PRDM16: variants seen among roughly 807,000 people sequenced by gnomAD.
PRDM16 encodes the protein PR/SET domain 16, also known as histone-lysine N-methyltransferase PRDM16.
Under a neutral mutation model 110.6 loss-of-function variants are expected in PRDM16, and 23 were observed. The ratio of observed to expected loss-of-function variants is 0.21; its 90% CI spans 0.15 to 0.29. The LOEUF is 0.29. PRDM16 is among the 10% of genes least tolerant of loss of function. The probability of loss-of-function intolerance (pLI) is 1.00; values close to 1 mark genes in which losing one functional copy is unlikely to be tolerated. For synonymous variants in PRDM16, 799 were observed against 781.8 expected, an observed-to-expected ratio of 1.02 and a Z score of -0.37; for missense variants, 1,615 against 1,794.3, an observed-to-expected ratio of 0.90 and a Z score of 1.81.
intron 1 of PRDM16, among the ~76,000 whole-genome samples, chr1:3,085,417 C>T (rs1173619410): frequency 6.6e-6 from 1 of 152,238 alleles, no homozygotes; most frequent in Non-Finnish European, 1.5e-5. Flanking sequence ...TGGGACCTGA[C>T]CCTGGGCAGC....
At chr1:3,109,764 G>A (rs561291840) in intron 1 of PRDM16, among the ~76,000 whole-genome samples, 13 of 152,356 alleles carry the variant, frequency 8.5e-5, no homozygotes, top group African/African-American at 2.4e-4. Flanking sequence ...GGGTCTCAAA[G>A]CCAAATTTCC....
At chr1:3,334,771 GCCGGGAACAGAGCAAACGAACACTCA>G (rs1337668217) in intron 3 of PRDM16, among the ~76,000 whole-genome samples, 2 of 152,164 alleles carry the variant, frequency 1.3e-5, no homozygotes, top group Non-Finnish European at 2.9e-5. Flanking sequence ...CCAAGTGCTC[GCCGGGAACAGAGCAAACGAACACTCA>G]CCCTCACTCA....
chr1:3,293,303 C>A lies in PRDM16; in HGVS notation c.438+49166C>A, dbSNP rs1317326249. The stretch of plus-strand genomic sequence containing the variant: ...CCTCTCCACCTGAGAAGCAGCGAGA[C>A]CCTGTCCAGGTCAGCGGGACCAGCA... On this transcript the variant is annotated intron_variant, in intron 3 of 16. Coordinates refer to ENST00000270722, the MANE Select transcript of PRDM16 (RefSeq NM_022114.4). 7.9e-5 allele frequency among the ~76,000 whole-genome samples: 12 copies of A among 152,244 alleles called. No individual in the cohort carries two copies. The East Asian group carries it at 2.3e-3, about 29-fold the overall frequency.
intron 1 of PRDM16, among the ~76,000 whole-genome samples, chr1:3,129,552 G>T (rs976979285): frequency 1.3e-5 from 2 of 152,146 alleles, no homozygotes; most frequent in Admixed American, 1.3e-4. Context: ...TGGGAAAGGA[G>T]CCGGGGCAGA....
At chr1:3,171,941 C>T (rs1216651644) in intron 1 of PRDM16, among the ~76,000 whole-genome samples, 2 of 152,116 alleles carry the variant, frequency 1.3e-5, no homozygotes, top group Admixed American at 6.5e-5. Context: ...CCCCGGCCTC[C>T]GCGCCACCGG....
At chr1:3,073,033 C>CG (rs920122431) in intron 1 of PRDM16, among the ~76,000 whole-genome samples, 20 of 152,370 alleles carry the variant, frequency 1.3e-4, no homozygotes, top group East Asian at 9.6e-4. Flanking sequence ...GACGCCCACT[C>CG]GGGGGGTCCT....
At chr1:3,414,715 G>A (rs796559627) in intron 10 of PRDM16, 68 bp downstream of exon 10, 87 of 1,252,550 alleles carry the variant, frequency 6.9e-5, no homozygotes, top group African/African-American at 3.7e-4. Context: ...CCCGGCTGTC[G>A]AGGCTCAGTG....
In PRDM16 at chr1:3,241,793, G is replaced by A. The variant is rs542667694; in HGVS notation, c.388-2294G>A. Among the ~76,000 whole-genome samples, 6 of 152,334 alleles carry A rather than the reference G, an allele frequency of 3.9e-5. 1 individual carries two copies. Among genetic ancestry groups the A allele is most frequent in the African/African-American group, 1.4e-4 (6 of 41,568 alleles). Reference sequence around the variant, plus strand: ...AAAAGTGCAAGTGAAAATGCAGCTGGCCACAGCAGGAACGGTGGGCGCCCA... The same window carrying A: ...AAAAGTGCAAGTGAAAATGCAGCTGACCACAGCAGGAACGGTGGGCGCCCA... On this transcript the variant is annotated intron_variant, in intron 2 of 16. Coordinates refer to ENST00000270722, the MANE Select transcript of PRDM16 (RefSeq NM_022114.4).
At chr1:3,240,056 A>AGAGGAGAGGAGAGGAGAGG (rs1220138751) in intron 2 of PRDM16, among the ~76,000 whole-genome samples, 27 of 103,396 alleles carry the variant, frequency 2.6e-4, no homozygotes, top group African/African-American at 8.6e-4. Flanking sequence ...AGGAGAGGAG[A>AGAGGAGAGGAGAGGAGAGG]AGAGGAGAGG....
chr1:3,308,922 G>A (rs1181746795), intron 3 of PRDM16: 1 of 152,260 alleles, frequency 6.6e-6, no homozygotes, highest in Non-Finnish European at 1.5e-5. Context: ...GGGCCCTGGT[G>A]CGTGCCGGTG....
intron 2 of PRDM16, among the ~76,000 whole-genome samples, chr1:3,202,326 C>T (rs1638648153): frequency 6.8e-6 from 1 of 146,328 alleles, no homozygotes; most frequent in Non-Finnish European, 1.5e-5. Context: ...GGAGCAGGTG[C>T]ATCCTTCATG....
In PRDM16 at chr1:3,314,076, G is replaced by T. The variant is rs554160214; in HGVS notation, c.438+69939G>T. Among the ~76,000 whole-genome samples the T allele has an allele frequency of 3.8e-4, 57 of 151,410 alleles. 4 individuals are homozygous for T. In the East Asian group the frequency reaches 1.0e-2, roughly 27 times the overall value. ...CGAATGCCGTCCTTCCCCACCGGGG[G>T]GGGGGGCGGGAACATAAAATGGACC... On this transcript the variant is annotated intron_variant, in intron 3 of 16. Transcript: ENST00000270722.
At chr1:3,110,381 C>T (rs994222801) in intron 1 of PRDM16, among the ~76,000 whole-genome samples, 3 of 149,720 alleles carry the variant, frequency 2.0e-5, no homozygotes, top group African/African-American at 7.4e-5. Flanking sequence ...GTCTGCGGCT[C>T]CCCCATGTCC....
At chr1:3,106,854 T>C (rs1386073219) in intron 1 of PRDM16, among the ~76,000 whole-genome samples, 2 of 152,168 alleles carry the variant, frequency 1.3e-5, no homozygotes. Context: ...GCTGGCCCTG[T>C]CACTGAATAG....
At chr1:3,089,942 C>T (rs1461459304) in intron 1 of PRDM16, among the ~76,000 whole-genome samples, 2 of 129,784 alleles carry the variant, frequency 1.5e-5, no homozygotes, top group Non-Finnish European at 3.3e-5. Context: ...CCATTCATTC[C>T]TGCCACAGTT....
chr1:3,335,079 C>T (rs560315508), intron 3 of PRDM16, among the ~76,000 whole-genome samples: 1 of 152,234 alleles, frequency 6.6e-6, no homozygotes, highest in Non-Finnish European at 1.5e-5. Flanking sequence ...CAGGTTCCCC[C>T]CTGTGGCTTC....
At chr1:3,362,449 G>A (rs983318794) in intron 3 of PRDM16, among the ~76,000 whole-genome samples, 5 of 152,148 alleles carry the variant, frequency 3.3e-5, no homozygotes, top group African/African-American at 1.2e-4. Flanking sequence ...CTGGGGAGGT[G>A]CCCGGGAGTG....
chr1:3,146,647 G>T (rs1289950544), intron 1 of PRDM16, among the ~76,000 whole-genome samples: 2 of 147,548 alleles, frequency 1.4e-5, no homozygotes, highest in Non-Finnish European at 3.0e-5. Context: ...TATGGGGTGT[G>T]TGTGTGCACG....
chr1:3,093,281 T>C lies in PRDM16; in HGVS notation c.37+23985T>C, dbSNP rs548244988. On this transcript the variant is annotated intron_variant, in intron 1 of 16. Transcript: ENST00000270722. ...CAGAGCAGAGCCCAGGCTAGCTCCA[T>C]GCTGGGGCCTGAGCCTGGGTACTGT... Among the ~76,000 whole-genome samples, 192 of 152,320 alleles carry C rather than the reference T, an allele frequency of 1.3e-3. 1 individual carries two copies. Among genetic ancestry groups the C allele is most frequent in the Non-Finnish European group, 2.3e-3 (155 of 68,008 alleles).
Sources: gnomAD v4.1 joint callset for allele counts (sites outside exome capture counted in the v4.1 genomes callset) on GRCh38, gnomAD v4.1.1 for gene constraint, MANE v1.5 for transcripts, NCBI Gene and HGNC (gene_info 2026-07-23, HGNC 2026-07-21) for gene names.